The following FAM149A variants were observed in gnomAD, a reference collection of about 807,000 sequenced individuals.
FAM149A encodes protein FAM149A.
A neutral mutation model predicts 78.2 loss-of-function variants in FAM149A; 71 were observed. The observed-to-expected ratio is 0.91, with a 90% CI of 0.75 to 1.11. The LOEUF is 1.11. Among genes scored for constraint, FAM149A ranks in the 50% least tolerant of loss-of-function variants. The pLI is 0.00. For synonymous variants in FAM149A, 446 were observed against 410.5 expected, an observed-to-expected ratio of 1.09 and a Z score of -1.04; for missense variants, 1,036 against 971.0, an observed-to-expected ratio of 1.07 and a Z score of -0.89.
intron 1 of FAM149A, among the ~76,000 whole-genome samples, chr4:186,137,186 G>A (rs1243532786): frequency 1.3e-5 from 2 of 151,998 alleles, no homozygotes; most frequent in African/African-American, 2.4e-5. Context: ...AACTTTTAAA[G>A]CTAGACTGGA....
intron 1 of FAM149A, among the ~76,000 whole-genome samples, chr4:186,118,634 G>GA (rs1561386886): frequency 6.6e-6 from 1 of 152,084 alleles, no homozygotes; most frequent in African/African-American, 2.4e-5. Flanking sequence ...AGGACACCAA[G>GA]AAAAAACAAA....
rs187974266 is a variant in FAM149A, at chr4:186,159,244, G to A, written c.1575+1525G>A. 8.1e-3 allele frequency among the ~76,000 whole-genome samples: 1,221 copies of A among 150,900 alleles called. 21 individuals are homozygous for A. Among genetic ancestry groups the A allele is most frequent in the African/African-American group, 0.028 (1,148 of 40,844 alleles). On this transcript the variant is annotated intron_variant, in intron 8 of 13. Coordinates refer to ENST00000389354, the MANE Select transcript of FAM149A (RefSeq NM_001367768.3). ...AGGTGCAATACATTCTGTGAGGGTC[G>A]CGCAAAAAAAAACAAAAACAAAAAA...
intron 1 of FAM149A, chr4:186,125,412 C>A: frequency 1.2e-6 from 1 of 845,630 alleles, no homozygotes; most frequent in Non-Finnish European, 1.4e-6. Flanking sequence ...CCCTAGGCAG[C>A]CCCACAAACA....
At chr4:186,131,981 CTT>C (rs2099320926) in intron 1 of FAM149A, 2 of 985,228 alleles carry the variant, frequency 2.0e-6, no homozygotes, top group African/African-American at 3.5e-5. Context: ...TTTTGTATTT[CTT>C]TTTGAATGGG....
rs1561396320 is a variant in FAM149A, at chr4:186,136,963, TTTCTCTCTCTCTTTCTC to T, written c.567-12208_567-12192del. ...CTCTCTCTCTCTCTCTCTCTCTCTC[TTTCTCTCTCTCTTTCTC>T]TCTCTCTCTCTCTCTCTCTCTCTCT... On this transcript the variant is annotated intron_variant, in intron 1 of 13. Coordinates refer to ENST00000389354, the MANE Select transcript of FAM149A (RefSeq NM_001367768.3). 8.6e-3 allele frequency among the ~76,000 whole-genome samples: 879 copies of T among 102,722 alleles called. 2 individuals carry two copies. Among genetic ancestry groups the T allele is most frequent in the Non-Finnish European group, 0.012 (631 of 52,144 alleles). The allele number at this position is 102,722 out of a possible 152,430, so 67.4% of individuals were successfully genotyped here. A position where few individuals can be genotyped will look rare whatever the true frequency, so the allele number is the denominator to read the frequency against.
intron 1 of FAM149A, among the ~76,000 whole-genome samples, chr4:186,136,928 A>G (rs1365365874): frequency 7.2e-6 from 1 of 138,404 alleles, no homozygotes; most frequent in African/African-American, 2.9e-5. Flanking sequence ...GCTCAAATAC[A>G]CTGATTGATC....
At chr4:186,148,191 G>C (rs1257928919) in intron 1 of FAM149A, among the ~76,000 whole-genome samples, 1 of 152,216 alleles carries the variant, frequency 6.6e-6, no homozygotes, top group African/African-American at 2.4e-5. Context: ...GCTGGGCGTG[G>C]TGGCAGGCGC....
chr4:186,124,266 T>C (rs1310211543), intron 1 of FAM149A: 1 of 769,162 alleles, frequency 1.3e-6, no homozygotes, highest in African/African-American at 4.4e-5. Context: ...TTTTTCTTTC[T>C]TTTTTTTTTA....
chr4:186,122,252 C>T (rs1259500342), intron 1 of FAM149A, among the ~76,000 whole-genome samples: 3 of 152,054 alleles, frequency 2.0e-5, no homozygotes, highest in Non-Finnish European at 4.4e-5. Flanking sequence ...TGGGGAAAGG[C>T]GGAAGAACCA....
intron 1 of FAM149A, among the ~76,000 whole-genome samples, chr4:186,143,492 TTA>T (rs1490328927): frequency 1.3e-5 from 2 of 152,144 alleles, no homozygotes; most frequent in African/African-American, 2.4e-5. Flanking sequence ...CTTACCACTT[TTA>T]TAAAAGTGGG....
chr4:186,109,822 A>C (rs947140642), intron 1 of FAM149A: 4 of 985,328 alleles, frequency 4.1e-6, no homozygotes, highest in Non-Finnish European at 4.8e-6. Flanking sequence ...CTTTTAGTTC[A>C]GTTATTTGGG....
chr4:186,130,034 A>T (rs1561392692), intron 1 of FAM149A: 1 of 152,104 alleles, frequency 6.6e-6, no homozygotes, highest in Non-Finnish European at 1.5e-5. Flanking sequence ...CACCCATTTG[A>T]CTAACTTGCA....
intron 1 of FAM149A, chr4:186,132,378 C>T: frequency 3.5e-6 from 1 of 281,866 alleles, no homozygotes; most frequent in Non-Finnish European, 5.4e-6. Flanking sequence ...AAGCCAGAAA[C>T]AGACCTATTT....
In FAM149A at chr4:186,172,808, C is replaced by T. The variant is rs192467523; in HGVS notation, c.*821C>T. 7 of 111,288 alleles carry T rather than the reference C, an allele frequency of 6.3e-5. 2 individuals are homozygous for T. The highest frequency in any genetic ancestry group is 2.6e-4 in the Admixed American group (3 of 11,438). 6.9% of individuals were successfully genotyped at this position (111,288 alleles called of 1,614,324 possible). A position where few individuals can be genotyped will look rare whatever the true frequency, so the allele number is the denominator to read the frequency against. ...CCTTCCCAGAGCCCTCGTCTCCTCG[C>T]GCTCTGTCCTGCTCTGCCTGGCTTT... On this transcript the variant is annotated 3_prime_UTR_variant, in exon 14 of 14. Transcript: ENST00000389354.
chr4:186,162,990 G>C, intron 9 of FAM149A, 42 bp downstream of exon 9: 1 of 1,146,152 alleles, frequency 8.7e-7, no homozygotes, highest in South Asian at 1.3e-5. Context: ...CCTCTTCCCT[G>C]TGCTGCAAAC....
At chr4:186,105,717 TCG>T in intron 1 of FAM149A, 75 bp downstream of exon 1, 2 of 936,370 alleles carry the variant, frequency 2.1e-6, no homozygotes, top group South Asian at 6.8e-5. Flanking sequence ...GCACTCACCT[TCG>T]CAGGTGCACT....
At chr4:186,130,293 C>CTCTCTCTATATATATATATA in intron 1 of FAM149A, 3 of 46,590 alleles carry the variant, frequency 6.4e-5, no homozygotes, top group East Asian at 7.7e-4. Context: ...CTCTCTCTCT[C>CTCTCTCTATATATATATATA]TATATATATA....
At chr4:186,123,462 A>G in intron 1 of FAM149A, 1 of 745,872 alleles carries the variant, frequency 1.3e-6, no homozygotes, top group Non-Finnish European at 1.6e-6. Flanking sequence ...AAGGCCCTTC[A>G]TGGCTCTTTA....
chr4:186,104,756 G>A lies in FAM149A; in HGVS notation c.-321G>A, dbSNP rs187448948. 3.8e-5 allele frequency among the ~76,000 whole-genome samples: 4 copies of A among 104,694 alleles called. No individual in the cohort carries two copies. The highest frequency in any genetic ancestry group is 9.4e-5 in the Non-Finnish European group (4 of 42,544). 68.7% of individuals were successfully genotyped at this position (104,694 alleles called of 152,430 possible). ...ACGTAGCAACCGCGGGCGGCGGGCG[G>A]CGGGCGGCGGGCGTCTGGGGCGGGC... is the stretch of plus-strand genomic sequence containing the variant. On this transcript the variant is annotated 5_prime_UTR_variant, in exon 1 of 14. Transcript: ENST00000389354.
Sources: gnomAD v4.1 joint callset for allele counts (sites outside exome capture counted in the v4.1 genomes callset) on GRCh38, gnomAD v4.1.1 for gene constraint, MANE v1.5 for transcripts, NCBI Gene and HGNC (gene_info 2026-07-23, HGNC 2026-07-21) for gene names.